UPP2: variants seen among roughly 807,000 people sequenced by gnomAD.
UPP2 encodes UPase 2.
A neutral mutation model predicts 26.7 loss-of-function variants in UPP2; 23 were observed. That is an observed-to-expected ratio of 0.86 (90% confidence interval 0.62 to 1.22). The LOEUF (loss-of-function observed/expected upper bound fraction) is 1.22, where lower values mean the gene tolerates loss of function less well. Ranked by LOEUF, UPP2 falls within the 50% of genes most tolerant of loss-of-function variation. The pLI is 0.00. For synonymous variants in UPP2, 127 were observed against 141.3 expected (o/e 0.90, Z 0.72); for missense variants, 387 against 396.7 (o/e 0.98, Z 0.21).
intron 3 of UPP2, among the ~76,000 whole-genome samples, chr2:158,115,830 GCA>G (rs951037189): frequency 6.6e-6 from 1 of 152,198 alleles, no homozygotes; most frequent in Non-Finnish European, 1.5e-5. Context: ...ACTCAGCTGG[GCA>G]CACACTGATG....
chr2:158,074,527 G>A (rs919187576), intron 3 of UPP2, among the ~76,000 whole-genome samples: 2 of 151,750 alleles, frequency 1.3e-5, no homozygotes, highest in African/African-American at 4.8e-5. Flanking sequence ...TAAAACAACG[G>A]GTTATATGAC....
Position 158,077,017 on chromosome 2 carries a change from A to G in UPP2, c.148-25023A>G, listed in dbSNP as rs555315555. 3.0e-3 allele frequency among the ~76,000 whole-genome samples: 461 copies of G among 152,284 alleles called. 2 individuals carry two copies. The highest frequency in any genetic ancestry group is 0.011 in the African/African-American group (439 of 41,580). Reference sequence around the variant, plus strand: ...ATACGAAAATCAGTAGCATTTCTATATGCCAACAGTGAACAATGTGAAAAA... The same window carrying G: ...ATACGAAAATCAGTAGCATTTCTATGTGCCAACAGTGAACAATGTGAAAAA... On this transcript the variant is annotated intron_variant, in intron 3 of 9. Transcript: ENST00000605860.
At chr2:158,074,046 C>G (rs938029888) in intron 3 of UPP2, among the ~76,000 whole-genome samples, 1 of 152,076 alleles carries the variant, frequency 6.6e-6, no homozygotes, top group African/African-American at 2.4e-5. Context: ...GGTGTGGTGG[C>G]ATGCACTTGT....
intron 3 of UPP2, among the ~76,000 whole-genome samples, chr2:158,042,726 T>G (rs555933899): frequency 2.0e-5 from 3 of 152,262 alleles, no homozygotes; most frequent in South Asian, 4.1e-4. Flanking sequence ...CCTTTTTGAA[T>G]GTACTTTGTT....
chr2:158,066,173 C>T (rs932040591), intron 3 of UPP2: 5 of 167,790 alleles, frequency 3.0e-5, no homozygotes, highest in Non-Finnish European at 6.4e-5. Flanking sequence ...TCTAATGAAA[C>T]TTCCATAGGA....
chr2:158,119,367 C>T (rs1683511397), intron 4 of UPP2, among the ~76,000 whole-genome samples: 1 of 151,996 alleles, frequency 6.6e-6, no homozygotes, highest in Admixed American at 6.5e-5. Flanking sequence ...GGTGTGGACA[C>T]CTTCATTTTG....
chr2:158,101,865 T>A, upstream of UPP2: 4 of 1,345,434 alleles, frequency 3.0e-6, no homozygotes, highest in Non-Finnish European at 3.8e-6. Flanking sequence ...AGGGAGGACA[T>A]CTTTTATTTG....
rs927623544 is a variant in UPP2, at chr2:158,120,795, G to C, written c.455-614G>C. ...TAAATTAAGCTGACACCTGAAGAGT[G>C]ACTTGGTGTGTGGTGAAAAGGTGGG... On this transcript the variant is annotated intron_variant, in intron 4 of 6. Coordinates refer to ENST00000005756, the MANE Select transcript of UPP2 (RefSeq NM_173355.4). 2.0e-5 allele frequency among the ~76,000 whole-genome samples: 3 copies of C among 151,996 alleles called. 1 individual carries two copies. The highest frequency in any genetic ancestry group is 1.3e-4 in the Admixed American group (2 of 15,258).
intron 6 of UPP2, among the ~76,000 whole-genome samples, chr2:158,125,712 G>A (rs577905900): frequency 1.3e-5 from 2 of 152,198 alleles, no homozygotes; most frequent in East Asian, 1.9e-4. Context: ...GAGCCACCAC[G>A]CCCAGCCCAT....
chr2:158,130,020 G>A (rs1558942617), intron 6 of UPP2, among the ~76,000 whole-genome samples: 1 of 151,980 alleles, frequency 6.6e-6, no homozygotes, highest in Non-Finnish European at 1.5e-5. Context: ...AACTCCTAGG[G>A]TTCAAGCAAT....
At chr2:158,123,504 T>C (rs58623040) in intron 5 of UPP2, among the ~76,000 whole-genome samples, 3,577 of 152,266 alleles carry the variant, frequency 0.023, 122 homozygotes, top group African/African-American at 0.082. Context: ...CAACAGTTAC[T>C]GACCCCAGAA....
In UPP2 at chr2:158,120,253, T is replaced by A. The variant is rs576048206; in HGVS notation, c.455-1156T>A. On this transcript the variant is annotated intron_variant, in intron 4 of 6. Coordinates refer to ENST00000005756, the MANE Select transcript of UPP2 (RefSeq NM_173355.4). ...CATATTTTAGGATTTGCTGACTGTG[T>A]GATTTCTATTGCAACTTCTCAACTC... 3.3e-5 allele frequency among the ~76,000 whole-genome samples: 5 copies of A among 152,154 alleles called. No homozygotes were observed. The East Asian group carries it at 9.7e-4, about 29-fold the overall frequency.
intron 6 of UPP2, among the ~76,000 whole-genome samples, chr2:158,124,955 A>T (rs1451181690): frequency 1.3e-5 from 2 of 152,190 alleles, no homozygotes; most frequent in African/African-American, 4.8e-5. Flanking sequence ...CTAAGTTGAA[A>T]GCATATAGAT....
chr2:158,092,104 A>C (rs1372867778), intron 3 of UPP2, among the ~76,000 whole-genome samples: 1 of 152,138 alleles, frequency 6.6e-6, no homozygotes, highest in Non-Finnish European at 1.5e-5. Flanking sequence ...TGAATGTATA[A>C]AAGGGAAGTT....
At chr2:158,109,680 A>C (rs1683270985) in intron 2 of UPP2, among the ~76,000 whole-genome samples, 1 of 152,174 alleles carries the variant, frequency 6.6e-6, no homozygotes, top group Non-Finnish European at 1.5e-5. Context: ...GTCTAACTGG[A>C]AAGGAGGCTG....
intron 3 of UPP2, among the ~76,000 whole-genome samples, chr2:158,018,967 G>A (rs986454087): frequency 1.3e-5 from 2 of 151,986 alleles, no homozygotes; most frequent in African/African-American, 2.4e-5. Flanking sequence ...ATGGTCTTGC[G>A]TGGCCCCAAG....
At chr2:158,129,612 T>C (rs1683767171) in intron 6 of UPP2, among the ~76,000 whole-genome samples, 1 of 151,220 alleles carries the variant, frequency 6.6e-6, no homozygotes, top group African/African-American at 2.5e-5. Flanking sequence ...AAGTAATATA[T>C]TCATCTATCG....
upstream of UPP2, among the ~76,000 whole-genome samples, chr2:158,099,355 T>C (rs1213737395): frequency 6.6e-6 from 1 of 152,198 alleles, no homozygotes; most frequent in African/African-American, 2.4e-5. Flanking sequence ...ATGGGCTGAA[T>C]GGAAGAGCCA....
At chr2:158,024,846 C>T (rs923007811) in intron 3 of UPP2, among the ~76,000 whole-genome samples, 2 of 151,738 alleles carry the variant, frequency 1.3e-5, no homozygotes, top group Non-Finnish European at 2.9e-5. Flanking sequence ...GCAATCTGGT[C>T]ATAAAAAATA....
Sources: gnomAD v4.1 joint callset for allele counts (sites outside exome capture counted in the v4.1 genomes callset) on GRCh38, gnomAD v4.1.1 for gene constraint, MANE v1.5 for transcripts, NCBI Gene and HGNC (gene_info 2026-07-23, HGNC 2026-07-21) for gene names.